The following SYT7 variants were observed in gnomAD, a reference collection of about 807,000 sequenced individuals.
SYT7 encodes synaptotagmin 7, also known as synaptotagmin-7.
Under a neutral mutation model 75.1 loss-of-function variants are expected in SYT7, and 29 were observed. That is an observed-to-expected ratio of 0.39 (90% CI 0.29 to 0.53). SYT7 has a LOEUF of 0.53. Among genes scored for constraint, SYT7 ranks in the 20% least tolerant of loss-of-function variants. The pLI, the probability that SYT7 is intolerant of heterozygous loss-of-function variation, is 0.77. For synonymous variants in SYT7, 376 were observed against 401.7 expected, an observed-to-expected ratio of 0.94 and a Z score of 0.76; for missense variants, 693 against 953.2, an observed-to-expected ratio of 0.73 and a Z score of 3.59.
Position 61,580,785 on chromosome 11 carries a change from C to T in SYT7, c.31+5G>A, listed in dbSNP as rs1319100523. 34 of 1,281,584 alleles carry T rather than the reference C, an allele frequency of 2.7e-5. No homozygotes were observed. Among genetic ancestry groups the T allele is most frequent in the Non-Finnish European group, 3.4e-5 (34 of 1,012,648 alleles). The allele number at this position is 1,281,584 out of a possible 1,614,324, so 79.4% of individuals were successfully genotyped here. On this transcript the variant is annotated splice_donor_5th_base_variant and intron_variant, in intron 1 of 12. Coordinates refer to ENST00000539008, the MANE Select transcript of SYT7 (RefSeq NM_001365809.2). The surrounding 1 kb of genome is among the most constrained non-coding windows in gnomAD (Gnocchi z 6.1). The stretch of plus-strand genomic sequence containing the variant: ...GGCGCCCCAGCCCGCCGGGGCCGCG[C>T]TTACCTGGGCTGGCCGCCTCCGGGT...
In SYT7 at chr11:61,524,344, C is replaced by T; in HGVS notation, c.1641+19G>A. 1.2e-6 allele frequency: 2 copies of T among 1,613,356 alleles called. No homozygotes were observed. The highest frequency in any genetic ancestry group is 1.7e-6 in the Non-Finnish European group (2 of 1,179,620). Reference sequence around the variant, plus strand: ...TGCCCTGCTGCCTGTCCAGCTAAGACCCACCCATGGGGCCTTACACTCCCA... The same window carrying T: ...TGCCCTGCTGCCTGTCCAGCTAAGATCCACCCATGGGGCCTTACACTCCCA... On this transcript the variant is annotated intron_variant, in intron 10 of 12. Coordinates refer to ENST00000539008, the MANE Select transcript of SYT7 (RefSeq NM_001365809.2). The surrounding 1 kb of genome is among the most constrained non-coding windows in gnomAD (Gnocchi z 4.1).
rs1316957360 is a variant in SYT7 at position 61,546,621 on chromosome 11, C to T, written c.348-366G>A. On this transcript the variant is annotated intron_variant, in intron 4 of 12. Transcript: ENST00000539008. This position sits in a 1 kb window ranked among gnomAD's most constrained non-coding sequence, Gnocchi z 7.6. The stretch of plus-strand genomic sequence containing the variant: ...AGGGCAGCCACCTCCAACTCTATCC[C>T]ACAGGACAACGAAGGGTTAACGACG... 7 of 477,362 alleles carry T rather than the reference C, an allele frequency of 1.5e-5. No individual in the cohort carries two copies. The highest frequency in any genetic ancestry group is 2.9e-5 in the Non-Finnish European group (7 of 241,630). The allele number at this position is 477,362 out of a possible 1,614,324, so 29.6% of individuals were successfully genotyped here. A position where few individuals can be genotyped will look rare whatever the true frequency, so the allele number is the denominator to read the frequency against.
rs2062178694 is a variant in SYT7 at position 61,517,534 on chromosome 11, G to T, written c.*1093C>A. Reference sequence around the variant, plus strand: ...AAGCATTGGGGGATGGAGGGGTGGAGGAAAGAAGGGTGGAGGTCTGCACAG... The same window carrying T: ...AAGCATTGGGGGATGGAGGGGTGGATGAAAGAAGGGTGGAGGTCTGCACAG... On this transcript the variant is annotated 3_prime_UTR_variant, in exon 13 of 13. Transcript: ENST00000539008. 2.5e-6 allele frequency: 1 copy of T among 399,536 alleles called. No homozygotes were observed. The highest frequency in any genetic ancestry group is 3.6e-5 in the East Asian group (1 of 28,070). 24.7% of individuals were successfully genotyped at this position (399,536 alleles called of 1,614,324 possible). A position where few individuals can be genotyped will look rare whatever the true frequency, so the allele number is the denominator to read the frequency against.
At chr11:61,525,278 C>G (rs991124776) in intron 9 of SYT7, among the ~76,000 whole-genome samples, 1 of 152,206 alleles carries the variant, frequency 6.6e-6, no homozygotes, top group African/African-American at 2.4e-5. Flanking sequence ...CTGCTTAAAG[C>G]CTTTCAATGG....
In SYT7 at chr11:61,524,258, TC is replaced by T. The variant is rs754932079; in HGVS notation, c.1641+104del. The T allele has an allele frequency of 5.7e-6, 8 of 1,403,006 alleles. No individual in the cohort carries two copies. In the East Asian group the frequency reaches 1.7e-4, roughly 30 times the overall value. The allele number at this position is 1,403,006 out of a possible 1,614,324, so 86.9% of individuals were successfully genotyped here. Reference sequence around the variant, plus strand: ...ATCGGGTCCACCCATCTGCACCCTCTCCCACAGCCCTCCTGGCCTTCCTAAG... The same window carrying T: ...ATCGGGTCCACCCATCTGCACCCTCTCCACAGCCCTCCTGGCCTTCCTAAG... On this transcript the variant is annotated intron_variant, in intron 10 of 12. Transcript: ENST00000539008. This position sits in a 1 kb window ranked among gnomAD's most constrained non-coding sequence, Gnocchi z 4.1.
At chr11:61,586,975 T>G in the SYT7 span, among the ~76,000 whole-genome samples, 434 of 152,352 alleles carry the variant, frequency 2.8e-3, 5 homozygotes, top group African/African-American at 0.01. Context: ...AAAGGTTCTT[T>G]GACCAAATGC....
chr11:61,527,966 C>T lies in SYT7; in HGVS notation c.1420G>A (p.Val474Met). The T allele has an allele frequency of 1.2e-6, 2 of 1,614,168 alleles. No homozygotes were observed. Among genetic ancestry groups the T allele is most frequent in the Non-Finnish European group, 1.7e-6 (2 of 1,180,046 alleles). Residue 474 changes from valine (V) to methionine (M), a missense_variant, in exon 9 of 13, where the codon GTG becomes ATG. Around this residue, in one of 2 missense-constraint regions of SYT7, gnomAD observed 206 missense variants for 360.0 expected, o/e 0.57. Transcript: ENST00000539008. ...TGGGGGTTCAGGTTCTTCCGCTTCACCTTGGTCTCCAGCTTGTGCTTCTTG... is the reference window on the plus strand; with the variant it reads ...TGGGGGTTCAGGTTCTTCCGCTTCATCTTGGTCTCCAGCTTGTGCTTCTTG... ...PDKKHKLETKVKRKNLNPHWN... is the reference protein window; with the variant it reads ...PDKKHKLETKMKRKNLNPHWN...
In SYT7 at chr11:61,574,435, A is replaced by G. The variant is rs151246444; in HGVS notation, c.31+6355T>C. 3.1e-3 allele frequency among the ~76,000 whole-genome samples: 473 copies of G among 152,336 alleles called. 1 individual carries two copies. The highest frequency in any genetic ancestry group is 0.011 in the African/African-American group (461 of 41,570). ...CTGGAGGCACATATGTAAAGTGCTCAGCACATACTGAGTGCTCCACAAGGC... is the reference window on the plus strand; with the variant it reads ...CTGGAGGCACATATGTAAAGTGCTCGGCACATACTGAGTGCTCCACAAGGC... On this transcript the variant is annotated intron_variant, in intron 1 of 12. Coordinates refer to ENST00000539008, the MANE Select transcript of SYT7 (RefSeq NM_001365809.2).
intron 1 of SYT7, among the ~76,000 whole-genome samples, chr11:61,556,832 T>C (rs1027411589): frequency 6.6e-6 from 1 of 152,104 alleles, no homozygotes; most frequent in African/African-American, 2.4e-5. Flanking sequence ...CAGCTTTCAT[T>C]GGTCTGGAAG....
rs1406349413 is a variant in SYT7, at chr11:61,546,894, C to T, written c.347+283G>A. On this transcript the variant is annotated intron_variant, in intron 4 of 12. Coordinates refer to ENST00000539008, the MANE Select transcript of SYT7 (RefSeq NM_001365809.2). The surrounding 1 kb of genome is among the most constrained non-coding windows in gnomAD (Gnocchi z 7.6). ...ACTGCACAGAAGGTGGGGTGGGCCCCGGGACCAGCTGGGGGGGCCAGGTAT... is the reference window on the plus strand; with the variant it reads ...ACTGCACAGAAGGTGGGGTGGGCCCTGGGACCAGCTGGGGGGGCCAGGTAT... Among the ~76,000 whole-genome samples, 3 of 151,912 alleles carry T rather than the reference C, an allele frequency of 2.0e-5. No individual in the cohort carries two copies. The highest frequency in any genetic ancestry group is 7.3e-5 in the African/African-American group (3 of 41,350).
chr11:61,542,495 G>A lies in SYT7; in HGVS notation c.657C>T (p.Arg219=). The change falls in exon 6 of 13, where the codon CGC becomes CGT. Residue 219 remains arginine (R), a synonymous_variant. Transcript: ENST00000539008. This position sits in a 1 kb window ranked among gnomAD's most constrained non-coding sequence, Gnocchi z 7.8. The part of the protein sequence containing the change: ...STGEPKCQRP[R]TLMRQQSLQQ... ...GCAGGCTCTGCTGCCGCATCAGGGT[G>A]CGGGGTCGCTGGCATTTCGGCTCTC... The A allele has an allele frequency of 6.5e-7, 1 of 1,532,728 alleles. No individual in the cohort carries two copies. Among genetic ancestry groups the A allele is most frequent in the Non-Finnish European group, 8.7e-7 (1 of 1,145,806 alleles). 94.9% of individuals were successfully genotyped at this position (1,532,728 alleles called of 1,614,324 possible).
intron 9 of SYT7, among the ~76,000 whole-genome samples, chr11:61,525,218 C>A (rs574427387): frequency 6.6e-6 from 1 of 152,228 alleles, no homozygotes; most frequent in South Asian, 2.1e-4. Flanking sequence ...ATTCTCAATG[C>A]GGCAGCCAGA....
In SYT7 at chr11:61,546,447, G is replaced by C; in HGVS notation, c.348-192C>G. 5 of 517,456 alleles carry C rather than the reference G, an allele frequency of 9.7e-6. No individual in the cohort carries two copies. Among genetic ancestry groups the C allele is most frequent in the East Asian group, 3.7e-5 (1 of 27,044 alleles). 32.1% of individuals were successfully genotyped at this position (517,456 alleles called of 1,614,324 possible). On this transcript the variant is annotated intron_variant, in intron 4 of 12. Coordinates refer to ENST00000539008, the MANE Select transcript of SYT7 (RefSeq NM_001365809.2). This position sits in a 1 kb window ranked among gnomAD's most constrained non-coding sequence, Gnocchi z 7.6. ...CATGAGACAGACAGAGAGAGAGAGA[G>C]AGACATCAGCACTGCAAATGGGTTA...
intron 3 of SYT7, among the ~76,000 whole-genome samples, chr11:61,549,047 G>C (rs1161122686): frequency 6.6e-6 from 1 of 152,198 alleles, no homozygotes; most frequent in Non-Finnish European, 1.5e-5. Flanking sequence ...CTTCCCAGCA[G>C]AGCCTCACAC....
At chr11:61,586,657 T>C in the SYT7 span, among the ~76,000 whole-genome samples, 2 of 152,122 alleles carry the variant, frequency 1.3e-5, no homozygotes, top group African/African-American at 4.8e-5. Flanking sequence ...GTGTTTGGGG[T>C]GGGGGTCCTT....
chr11:61,527,825 G>T, intron 9 of SYT7, 90 bp downstream of exon 9: 1 of 1,488,928 alleles, frequency 6.7e-7, no homozygotes, highest in Admixed American at 1.7e-5. Flanking sequence ...ACACATATGT[G>T]TCTGTGCATG....
At chr11:61,574,840 A>G (rs1043801137) in intron 1 of SYT7, among the ~76,000 whole-genome samples, 2 of 151,918 alleles carry the variant, frequency 1.3e-5, no homozygotes, top group Admixed American at 1.3e-4. Flanking sequence ...GACGGATCCA[A>G]TTTGTACCCA....
intron 6 of SYT7, 62 bp from the exon 7 acceptor site, chr11:61,538,328 G>A: frequency 1.5e-6 from 2 of 1,324,456 alleles, no homozygotes; most frequent in Admixed American, 2.2e-5. Flanking sequence ...GGCGGGGGCA[G>A]GGGGGAAGGA....
chr11:61,569,325 G>T (rs968315762), intron 1 of SYT7, among the ~76,000 whole-genome samples: 6 of 152,162 alleles, frequency 3.9e-5, no homozygotes, highest in Non-Finnish European at 7.3e-5. Context: ...GCCTGGGTCA[G>T]GGTTCTGTCA....
Sources: allele counts gnomAD v4.1 joint callset (sites outside exome capture counted in the v4.1 genomes callset), GRCh38; gene constraint gnomAD v4.1.1; regional missense constraint gnomAD v4.1.1; non-coding constraint Gnocchi (gnomAD v3.1); transcripts MANE v1.5; gene names NCBI Gene and HGNC (gene_info 2026-07-23, HGNC 2026-07-21).